CTNNA3: variants seen among roughly 807,000 people sequenced by gnomAD.
The protein encoded by CTNNA3 is catenin alpha 3.
A neutral mutation model predicts 95.7 loss-of-function variants in CTNNA3; 76 were observed. The ratio of observed to expected loss-of-function variants is 0.79; its 90% CI spans 0.66 to 0.96. The LOEUF is 0.96. CTNNA3 is among the 40% of genes least tolerant of loss of function. The pLI is 0.00. For synonymous variants in CTNNA3, 431 were observed against 374.4 expected (o/e 1.15, Z -1.74); for missense variants, 1,191 against 1,089.8 (o/e 1.09, Z -1.31).
At position 66,933,149 on chromosome 10, in the gene CTNNA3, G is replaced by T. The variant is rs564829979; in HGVS notation, c.1048-157625C>A. 2.0e-5 allele frequency among the ~76,000 whole-genome samples: 3 copies of T among 152,262 alleles called. No individual in the cohort carries two copies. In the South Asian group the frequency reaches 6.2e-4, roughly 32 times the overall value. On this transcript the variant is annotated intron_variant, in intron 7 of 17. Transcript: ENST00000433211. Reference sequence around the variant, plus strand: ...AGTGGGGTTTGTTGTTCTATGTTTGGCATGAGCCAAAAAGAAATCAGTAAC... The same window carrying T: ...AGTGGGGTTTGTTGTTCTATGTTTGTCATGAGCCAAAAAGAAATCAGTAAC...
upstream of CTNNA3, among the ~76,000 whole-genome samples, chr10:67,697,956 A>G (rs1356791302): frequency 1.3e-5 from 2 of 152,194 alleles, no homozygotes; most frequent in Non-Finnish European, 2.9e-5. Flanking sequence ...ATAGCTAACT[A>G]TAGGGTAGGA....
At chr10:66,789,470 C>T (rs992672291) in intron 7 of CTNNA3, among the ~76,000 whole-genome samples, 6 of 152,116 alleles carry the variant, frequency 3.9e-5, no homozygotes, top group East Asian at 3.9e-4. Context: ...CCACTGTGCG[C>T]GGCCACCTTT....
chr10:66,423,699 A>C (rs1404371486), intron 11 of CTNNA3, among the ~76,000 whole-genome samples: 4 of 152,192 alleles, frequency 2.6e-5, no homozygotes, highest in African/African-American at 9.6e-5. Context: ...CCGACACGAA[A>C]ACATTCCAAG....
At position 66,996,306 on chromosome 10, in the gene CTNNA3, A is replaced by G. The variant is rs80102044; in HGVS notation, c.1047+184011T>C. 2.6e-3 allele frequency among the ~76,000 whole-genome samples: 402 copies of G among 152,324 alleles called. 1 individual carries two copies. The highest frequency in any genetic ancestry group is 9.2e-3 in the African/African-American group (384 of 41,584). On this transcript the variant is annotated intron_variant, in intron 7 of 17. Coordinates refer to ENST00000433211, the MANE Select transcript of CTNNA3 (RefSeq NM_013266.4). ...TTAGTAGCTGTGCAACAAAGTAAAAAGAGCAAGAGTGCCATTAATATATCT... is the reference window on the plus strand; with the variant it reads ...TTAGTAGCTGTGCAACAAAGTAAAAGGAGCAAGAGTGCCATTAATATATCT...
intron 13 of CTNNA3, among the ~76,000 whole-genome samples, chr10:66,253,174 A>C (rs1178503373): frequency 6.6e-6 from 1 of 152,230 alleles, no homozygotes; most frequent in East Asian, 1.9e-4. Context: ...GACATTTCTA[A>C]CTGGCTCTCC....
intron 7 of CTNNA3, among the ~76,000 whole-genome samples, chr10:66,860,895 CT>C (rs2132411008): frequency 6.6e-6 from 1 of 152,266 alleles, no homozygotes; most frequent in South Asian, 2.1e-4. Flanking sequence ...ACCATTCAAG[CT>C]GGATAAATGG....
chr10:65,979,431 G>T (rs1257760153), intron 16 of CTNNA3, among the ~76,000 whole-genome samples: 2 of 152,024 alleles, frequency 1.3e-5, no homozygotes, highest in African/African-American at 4.8e-5. Context: ...GTCATTCAAA[G>T]AATTACTTCG....
At chr10:66,178,409 A>ATATATG (rs1261379781) in intron 13 of CTNNA3, among the ~76,000 whole-genome samples, 121 of 30,516 alleles carry the variant, frequency 4.0e-3, no homozygotes, top group African/African-American at 0.01. Context: ...GTATATATAT[A>ATATATG]TATATATATA....
At chr10:66,435,468 G>T (rs1362900704) in intron 11 of CTNNA3, among the ~76,000 whole-genome samples, 1 of 151,972 alleles carries the variant, frequency 6.6e-6, no homozygotes, top group Non-Finnish European at 1.5e-5. Context: ...ATGGTAGTTT[G>T]TATTTCTATA....
chr10:66,754,879 C>T (rs1194812007), intron 9 of CTNNA3, among the ~76,000 whole-genome samples: 1 of 152,204 alleles, frequency 6.6e-6, no homozygotes, highest in East Asian at 1.9e-4. Context: ...AGCCTGGCAC[C>T]ACTGAAAAAC....
intron 10 of CTNNA3, among the ~76,000 whole-genome samples, chr10:66,543,700 C>A (rs1589400757): frequency 1.3e-5 from 2 of 151,474 alleles, no homozygotes; most frequent in South Asian, 4.2e-4. Context: ...GATTCAAAAT[C>A]TTTCCTATTA....
chr10:66,086,664 T>C (rs1050632601), intron 14 of CTNNA3, among the ~76,000 whole-genome samples: 1 of 151,998 alleles, frequency 6.6e-6, no homozygotes, highest in South Asian at 2.1e-4. Context: ...TATTTTAACC[T>C]CAAAATTAGG....
At chr10:66,978,547 A>AAAT (rs1850210567) in intron 7 of CTNNA3, among the ~76,000 whole-genome samples, 2 of 81,244 alleles carry the variant, frequency 2.5e-5, no homozygotes, top group Non-Finnish European at 5.9e-5. Context: ...AAAAAAAAAA[A>AAAT]AAAAAATATA....
chr10:66,165,202 G>A (rs1024895580), intron 13 of CTNNA3, among the ~76,000 whole-genome samples: 32 of 152,112 alleles, frequency 2.1e-4, no homozygotes, highest in African/African-American at 7.7e-4. Flanking sequence ...ACTTAAAAGT[G>A]AGAGCTAAAT....
At chr10:66,403,059 G>A (rs1290879381) in intron 11 of CTNNA3, among the ~76,000 whole-genome samples, 1 of 152,108 alleles carries the variant, frequency 6.6e-6, no homozygotes, top group East Asian at 1.9e-4. Flanking sequence ...CCTATGACCT[G>A]TAAGCCCCTG....
chr10:66,598,851 T>G (rs1843816745), intron 10 of CTNNA3, among the ~76,000 whole-genome samples: 1 of 151,990 alleles, frequency 6.6e-6, no homozygotes, highest in African/African-American at 2.4e-5. Flanking sequence ...CACTGCAATC[T>G]TTATCAGAAT....
At chr10:66,088,901 G>T (rs1245694768) in intron 14 of CTNNA3, among the ~76,000 whole-genome samples, 1 of 152,042 alleles carries the variant, frequency 6.6e-6, no homozygotes, top group African/African-American at 2.4e-5. Context: ...CCAGTTTTCT[G>T]TTGGCCAGGC....
intron 5 of CTNNA3, among the ~76,000 whole-genome samples, chr10:67,469,343 C>T (rs913442491): frequency 2.6e-5 from 4 of 152,080 alleles, no homozygotes; most frequent in Non-Finnish European, 4.4e-5. Context: ...CATAAATCCC[C>T]CTAAAGTTGA....
At chr10:66,231,192 C>T (rs1589799806) in intron 13 of CTNNA3, among the ~76,000 whole-genome samples, 1 of 152,086 alleles carries the variant, frequency 6.6e-6, no homozygotes, top group Admixed American at 6.5e-5. Context: ...GAGTATTCAT[C>T]GTGGGAATGT....
Sources: allele counts gnomAD v4.1 joint callset (sites outside exome capture counted in the v4.1 genomes callset), GRCh38; gene constraint gnomAD v4.1.1; transcripts MANE v1.5; gene names NCBI Gene and HGNC (gene_info 2026-07-23, HGNC 2026-07-21).